RBFOX1: variants seen among roughly 807,000 people sequenced by gnomAD.
RBFOX1 encodes the protein RNA binding fox-1 homolog 1, also known as RNA binding protein fox-1 homolog 1.
RBFOX1 carries 8 observed loss-of-function variants against 57.7 expected under a neutral mutation model. The observed-to-expected ratio is 0.14, with a 90% confidence interval of 0.08 to 0.25. The LOEUF (loss-of-function observed/expected upper bound fraction) is 0.25, where lower values mean the gene tolerates loss of function less well. RBFOX1 is among the 10% of genes least tolerant of loss of function. RBFOX1 has a pLI of 1.00. For missense variants in RBFOX1, 611 were observed against 548.5 expected, an observed-to-expected ratio of 1.11 and a Z score of -1.14; for synonymous variants, 326 against 222.4, an observed-to-expected ratio of 1.47 and a Z score of -4.15.
At chr16:6,703,828 C>T (rs1394687152) in intron 3 of RBFOX1, 1 of 152,344 alleles carries the variant, frequency 6.6e-6, no homozygotes, top group African/African-American at 2.4e-5. Context: ...GGGTGGCTTC[C>T]CCTCTCTGAC....
intron 4 of RBFOX1, among the ~76,000 whole-genome samples, chr16:7,374,021 C>G (rs1285448759): frequency 6.6e-6 from 1 of 152,142 alleles, no homozygotes; most frequent in African/African-American, 2.4e-5. Context: ...AGCCATAAAA[C>G]TTGAAAGATA....
chr16:5,827,729 G>C (rs551979761), intron 3 of RBFOX1, among the ~76,000 whole-genome samples: 1 of 152,224 alleles, frequency 6.6e-6, no homozygotes, highest in Admixed American at 6.5e-5. Context: ...AAGTCCCCTT[G>C]CTATAATGGC....
intron 4 of RBFOX1, among the ~76,000 whole-genome samples, chr16:5,888,669 C>T (rs951950781): frequency 6.6e-6 from 1 of 151,972 alleles, no homozygotes; most frequent in Non-Finnish European, 1.5e-5. Context: ...GTGGCACATG[C>T]CTGTAATCCC....
intron 1 of RBFOX1, among the ~76,000 whole-genome samples, chr16:5,454,642 C>T (rs1191054468): frequency 6.6e-6 from 1 of 152,186 alleles, no homozygotes; most frequent in African/African-American, 2.4e-5. Flanking sequence ...TCTACTCTAC[C>T]TGGGTCTCTA....
At chr16:5,682,770 G>T (rs2050381010) in intron 3 of RBFOX1, among the ~76,000 whole-genome samples, 1 of 152,190 alleles carries the variant, frequency 6.6e-6, no homozygotes, top group East Asian at 1.9e-4. Flanking sequence ...TTGAATTCAT[G>T]GAAGAGCTTG....
intron 3 of RBFOX1, among the ~76,000 whole-genome samples, chr16:6,902,191 T>C (rs561045289): frequency 6.6e-6 from 1 of 152,332 alleles, no homozygotes; most frequent in East Asian, 1.9e-4. Flanking sequence ...CTCATGTGGT[T>C]CTTGATGTCT....
At chr16:5,850,231 G>A (rs1265584806) in intron 3 of RBFOX1, among the ~76,000 whole-genome samples, 1 of 152,160 alleles carries the variant, frequency 6.6e-6, no homozygotes. Context: ...GAAGCATGAG[G>A]GAGGGAGAAA....
chr16:6,452,234 C>T (rs2094646391), intron 2 of RBFOX1, among the ~76,000 whole-genome samples: 1 of 151,852 alleles, frequency 6.6e-6, no homozygotes, highest in African/African-American at 2.4e-5. Flanking sequence ...ATGGCTCCTT[C>T]CTTCCATGAC....
At chr16:5,407,330 C>G (rs1045021220) in intron 1 of RBFOX1, among the ~76,000 whole-genome samples, 5 of 152,178 alleles carry the variant, frequency 3.3e-5, no homozygotes, top group African/African-American at 1.2e-4. Context: ...CAATGCCTAA[C>G]TATATCAAGT....
chr16:6,957,764 T>G (rs556268036), intron 3 of RBFOX1, among the ~76,000 whole-genome samples: 7 of 152,242 alleles, frequency 4.6e-5, no homozygotes, highest in South Asian at 2.1e-4. Context: ...GGTTCAAACA[T>G]CTGTGACTGT....
chr16:7,192,919 A>T (rs2085783242), intron 4 of RBFOX1, among the ~76,000 whole-genome samples: 1 of 152,210 alleles, frequency 6.6e-6, no homozygotes. Flanking sequence ...TTCTGAGAAC[A>T]ATGTAAAAAG....
chr16:5,865,342 G>A (rs1456552605), intron 3 of RBFOX1, among the ~76,000 whole-genome samples: 3 of 152,132 alleles, frequency 2.0e-5, no homozygotes, highest in Non-Finnish European at 4.4e-5. Context: ...TCCTGAACGG[G>A]CGCCAGGAAT....
chr16:7,117,652 T>C (rs1407009778), intron 4 of RBFOX1, among the ~76,000 whole-genome samples: 1 of 152,252 alleles, frequency 6.6e-6, no homozygotes, highest in Non-Finnish European at 1.5e-5. Context: ...TTACGCTGCA[T>C]AGCACATTAC....
chr16:6,078,893 C>G (rs928294722), intron 1 of RBFOX1, among the ~76,000 whole-genome samples: 1 of 152,192 alleles, frequency 6.6e-6, no homozygotes, highest in African/African-American at 2.4e-5. Context: ...CATGGTGGAT[C>G]TTGTTAATGT....
At chr16:6,780,695 G>T (rs943483877) in intron 3 of RBFOX1, among the ~76,000 whole-genome samples, 18 of 149,586 alleles carry the variant, frequency 1.2e-4, no homozygotes, top group African/African-American at 3.9e-4. Context: ...TATTTTAACT[G>T]GGGTGAGATA....
intron 4 of RBFOX1, among the ~76,000 whole-genome samples, chr16:5,957,642 C>T (rs1596299989): frequency 2.0e-5 from 3 of 152,090 alleles, no homozygotes; most frequent in Admixed American, 6.6e-5. Context: ...TGGGCAGCCT[C>T]GTTTTATTTT....
chr16:6,333,067 T>A (rs556079924), intron 2 of RBFOX1, among the ~76,000 whole-genome samples: 1 of 152,314 alleles, frequency 6.6e-6, no homozygotes, highest in South Asian at 2.1e-4. Flanking sequence ...TGAGACAGCA[T>A]CTTGCTCTGC....
intron 4 of RBFOX1, among the ~76,000 whole-genome samples, chr16:7,464,368 G>A (rs557633435): frequency 2.1e-4 from 32 of 152,070 alleles, no homozygotes; most frequent in African/African-American, 3.4e-4. Context: ...AAGGAATATC[G>A]CAGAAGCTGG....
intron 3 of RBFOX1, among the ~76,000 whole-genome samples, chr16:6,777,713 G>A (rs2154219971): frequency 6.6e-6 from 1 of 152,222 alleles, no homozygotes; most frequent in Non-Finnish European, 1.5e-5. Context: ...TTCTGATGGA[G>A]CTTGATATTC....
Sources: allele counts gnomAD v4.1 joint callset (sites outside exome capture counted in the v4.1 genomes callset), GRCh38; gene constraint gnomAD v4.1.1; transcripts MANE v1.5; gene names NCBI Gene and HGNC (gene_info 2026-07-23, HGNC 2026-07-21).